PPP1R9A: variants seen among roughly 807,000 people sequenced by gnomAD.
The protein encoded by PPP1R9A is protein phosphatase 1 regulatory subunit 9A.
Under a neutral mutation model 141.9 loss-of-function variants are expected in PPP1R9A, and 59 were observed. That is an observed-to-expected ratio of 0.42 (90% confidence interval 0.34 to 0.52). PPP1R9A has a LOEUF of 0.52. Among genes scored for constraint, PPP1R9A ranks in the 20% least tolerant of loss-of-function variants. The pLI, the probability that PPP1R9A is intolerant of heterozygous loss-of-function variation, is 0.10. For missense variants in PPP1R9A, 1,444 were observed against 1,611.9 expected, an observed-to-expected ratio of 0.90 and a Z score of 1.78; for synonymous variants, 500 against 569.7, an observed-to-expected ratio of 0.88 and a Z score of 1.74.
intron 3 of PPP1R9A, among the ~76,000 whole-genome samples, chr7:95,120,198 C>T (rs1322440735): frequency 6.6e-6 from 1 of 151,826 alleles, no homozygotes; most frequent in Non-Finnish European, 1.5e-5. Context: ...CTCAAGCCAT[C>T]CACCTGCCTC....
At chr7:95,062,129 C>T (rs186602702) in intron 2 of PPP1R9A, among the ~76,000 whole-genome samples, 1 of 152,264 alleles carries the variant, frequency 6.6e-6, no homozygotes, top group African/African-American at 2.4e-5. Context: ...CTCTGCACAG[C>T]TGGCAGGGTG....
chr7:95,252,295 A>T (rs1172496990), intron 12 of PPP1R9A, among the ~76,000 whole-genome samples, 165 bp downstream of exon 12: 2 of 152,148 alleles, frequency 1.3e-5, no homozygotes, highest in Non-Finnish European at 2.9e-5. Flanking sequence ...CTCTCGTCTT[A>T]TCAAAAATAA....
At chr7:95,255,857 AC>A (rs2153018531) in intron 12 of PPP1R9A, among the ~76,000 whole-genome samples, 2 of 152,294 alleles carry the variant, frequency 1.3e-5, no homozygotes, top group Non-Finnish European at 2.9e-5. Flanking sequence ...AAGGGTTTGT[AC>A]ATAATCTTGT....
intron 2 of PPP1R9A, among the ~76,000 whole-genome samples, chr7:95,029,908 A>G (rs1244104111): frequency 1.3e-5 from 2 of 152,182 alleles, no homozygotes; most frequent in African/African-American, 2.4e-5. Flanking sequence ...CTAAGTTTAC[A>G]TGTTATTGTT....
At chr7:95,244,196 A>T (rs1797817398) in intron 8 of PPP1R9A, among the ~76,000 whole-genome samples, 1 of 152,156 alleles carries the variant, frequency 6.6e-6, no homozygotes, top group Admixed American at 6.6e-5. Context: ...AACTTTGCGC[A>T]GTTGTTCTCA....
At chr7:95,191,851 T>C (rs1327211788) in intron 5 of PPP1R9A, among the ~76,000 whole-genome samples, 1 of 152,062 alleles carries the variant, frequency 6.6e-6, no homozygotes, top group African/African-American at 2.4e-5. Flanking sequence ...GAAAATATTA[T>C]TAATCTTAAA....
chr7:95,176,713 A>G (rs1832961933), intron 5 of PPP1R9A, among the ~76,000 whole-genome samples: 1 of 152,190 alleles, frequency 6.6e-6, no homozygotes, highest in South Asian at 2.1e-4. Flanking sequence ...ACACTTATAG[A>G]AATGCAAAAT....
chr7:95,143,921 A>C (rs532488211), intron 4 of PPP1R9A, among the ~76,000 whole-genome samples: 5 of 152,096 alleles, frequency 3.3e-5, no homozygotes, highest in Admixed American at 3.3e-4. Context: ...GTGCATATAC[A>C]TTGTGAAATG....
intron 5 of PPP1R9A, among the ~76,000 whole-genome samples, chr7:95,175,880 GTCTTAAATATTTA>G (rs1377773474): frequency 2.6e-5 from 4 of 152,152 alleles, no homozygotes; most frequent in African/African-American, 9.6e-5. Context: ...TAATCTGAGG[GTCTTAAATATTTA>G]TCTTTTTTGG....
At chr7:95,198,566 T>TC in intron 6 of PPP1R9A, 82 bp downstream of exon 6, 1 of 1,398,872 alleles carries the variant, frequency 7.1e-7, no homozygotes, top group South Asian at 1.9e-5. Context: ...TATGACAGGT[T>TC]TTATGCAGTT....
At chr7:94,920,803 A>C (rs1792699746) in intron 2 of PPP1R9A, among the ~76,000 whole-genome samples, 1 of 152,204 alleles carries the variant, frequency 6.6e-6, no homozygotes, top group African/African-American at 2.4e-5. Flanking sequence ...AATCTTGCGG[A>C]TTAGGTCTTT....
intron 7 of PPP1R9A, among the ~76,000 whole-genome samples, chr7:95,213,524 A>T (rs988053696): frequency 1.3e-5 from 2 of 151,968 alleles, no homozygotes; most frequent in African/African-American, 4.8e-5. Flanking sequence ...AGGTTTCACC[A>T]TGTTGGCCAG....
intron 2 of PPP1R9A, among the ~76,000 whole-genome samples, chr7:95,106,102 T>C (rs1400917508): frequency 6.6e-6 from 1 of 152,120 alleles, no homozygotes; most frequent in African/African-American, 2.4e-5. Flanking sequence ...TTAAAAATGT[T>C]TTTAAATTTA....
At chr7:95,169,385 A>G (rs906127835) in intron 5 of PPP1R9A, among the ~76,000 whole-genome samples, 2 of 151,936 alleles carry the variant, frequency 1.3e-5, no homozygotes, top group African/African-American at 4.8e-5. Flanking sequence ...GAGGCTGGGA[A>G]GAGTGTAGGG....
At position 95,181,686 on chromosome 7, in the gene PPP1R9A, TCACATATATATAGAATATATATATATTCC is replaced by T. The variant is rs1431424931; in HGVS notation, c.1755-16662_1755-16634del. On this transcript the variant is annotated intron_variant, in intron 5 of 19. Coordinates refer to ENST00000433360, the MANE Select transcript of PPP1R9A (RefSeq NM_001166160.2). The stretch of plus-strand genomic sequence containing the variant: ...ATATATAGAATATATATATATTCCG[TCACATATATATAGAATATATATATATTCC>T]GTCACATATATATAGAATATATATA... 3.0e-3 allele frequency among the ~76,000 whole-genome samples: 401 copies of T among 131,994 alleles called. 1 individual carries two copies. The highest frequency in any genetic ancestry group is 4.0e-3 in the African/African-American group (139 of 34,928). 86.6% of individuals were successfully genotyped at this position (131,994 alleles called of 152,430 possible).
At chr7:95,252,812 A>G (rs1255357427) in intron 12 of PPP1R9A, among the ~76,000 whole-genome samples, 1 of 152,150 alleles carries the variant, frequency 6.6e-6, no homozygotes, top group Non-Finnish European at 1.5e-5. Flanking sequence ...TCTTTTTCAT[A>G]ATATCAGAAG....
chr7:95,094,741 A>C (rs1172578272), intron 2 of PPP1R9A, among the ~76,000 whole-genome samples: 1 of 151,842 alleles, frequency 6.6e-6, no homozygotes, highest in African/African-American at 2.4e-5. Flanking sequence ...TTAGCCGGGC[A>C]TGGTGGCATG....
At chr7:95,166,280 AT>A (rs1234240981) in intron 5 of PPP1R9A, among the ~76,000 whole-genome samples, 1 of 152,164 alleles carries the variant, frequency 6.6e-6, no homozygotes, top group Non-Finnish European at 1.5e-5. Flanking sequence ...AACTCATAAG[AT>A]TTCTAGCCAT....
At chr7:95,027,382 C>T (rs1037746979) in intron 2 of PPP1R9A, among the ~76,000 whole-genome samples, 1 of 152,128 alleles carries the variant, frequency 6.6e-6, no homozygotes, top group East Asian at 1.9e-4. Context: ...TGATGCCCCA[C>T]CCTGCTTCGG....
Sources: gnomAD v4.1 joint callset for allele counts (sites outside exome capture counted in the v4.1 genomes callset) on GRCh38, gnomAD v4.1.1 for gene constraint, MANE v1.5 for transcripts, NCBI Gene and HGNC (gene_info 2026-07-23, HGNC 2026-07-21) for gene names.